The following FAM83B variants were observed in gnomAD, a reference collection of about 807,000 sequenced individuals.
FAM83B encodes the protein scaffolding CK1 anchoring protein B.
FAM83B carries 26 observed loss-of-function variants against 38.8 expected under a neutral mutation model. The observed-to-expected ratio is 0.67, with a 90% CI of 0.49 to 0.93. The LOEUF (loss-of-function observed/expected upper bound fraction) is 0.93, where lower values mean the gene tolerates loss of function less well. FAM83B is among the 40% of genes least tolerant of loss of function. The pLI, the probability that FAM83B is intolerant of heterozygous loss-of-function variation, is 0.00. For missense variants in FAM83B, 1,237 were observed against 1,197.3 expected, an observed-to-expected ratio of 1.03 and a Z score of -0.49; for synonymous variants, 419 against 423.1, an observed-to-expected ratio of 0.99 and a Z score of 0.12.
intron 3 of FAM83B, 152 bp from the exon 4 acceptor site, chr6:54,927,356 T>C: frequency 1.9e-6 from 1 of 528,914 alleles, no homozygotes; most frequent in Non-Finnish European, 3.2e-6. Context: ...TAAATGATTA[T>C]TTTCATTAAG....
At position 54,941,111 on chromosome 6, in the gene FAM83B, A is replaced by G; in HGVS notation, c.2140A>G (p.Thr714Ala). 3 of 1,613,740 alleles carry G rather than the reference A, an allele frequency of 1.9e-6. No individual in the cohort carries two copies. The highest frequency in any genetic ancestry group is 1.7e-4 in the Middle Eastern group (1 of 6,056). Residue 714 changes from threonine (T) to alanine (A), a missense_variant, in exon 5 of 5, where the codon ACT becomes GCT. By Grantham distance (58) the Thr-to-Ala change is moderately conservative. Coordinates refer to ENST00000306858, the MANE Select transcript of FAM83B (RefSeq NM_001010872.3). ...AAGTTCTAAAAGCATGCACAATGTG[A>G]CTCATAACTTGGAGGAGGATGAGGA... ...LKSSKSMHNV[T>A]HNLEEDEEEV...
At chr6:54,871,501 T>C (rs757111569) in intron 2 of FAM83B, among the ~76,000 whole-genome samples, 6 of 150,452 alleles carry the variant, frequency 4.0e-5, no homozygotes, top group African/African-American at 1.5e-4. Flanking sequence ...GGCGAATCAC[T>C]TGAGGTCAGG....
rs1316280563 is a variant in FAM83B, at chr6:54,940,185, C to T, written c.1214C>T (p.Ala405Val). The part of the protein sequence containing the change: ...ETVPYLLLNR[A>V]LNRTNNPPGN... The stretch of plus-strand genomic sequence containing the variant: ...GTGCCATACCTCCTGCTTAATAGGG[C>T]TCTGAATAGAACCAATAATCCACCT... The change falls in exon 5 of 5, where the codon GCT (alanine) becomes GTT (valine). Residue 405 changes from alanine (A) to valine (V), a missense_variant. Physicochemically the swap from Ala to Val is moderately conservative, Grantham distance 64. Coordinates refer to ENST00000306858, the MANE Select transcript of FAM83B (RefSeq NM_001010872.3). The T allele has an allele frequency of 6.2e-7, 1 of 1,614,032 alleles. No homozygotes were observed.
At chr6:54,909,735 C>G (rs954043851) in intron 2 of FAM83B, among the ~76,000 whole-genome samples, 10 of 152,098 alleles carry the variant, frequency 6.6e-5, no homozygotes, top group African/African-American at 2.4e-4. Flanking sequence ...AAAATAAACA[C>G]TCCACTAAAA....
intron 2 of FAM83B, among the ~76,000 whole-genome samples, chr6:54,873,987 AC>A (rs1771927813): frequency 6.6e-6 from 1 of 152,044 alleles, no homozygotes; most frequent in African/African-American, 2.4e-5. Flanking sequence ...CACCAAGTTA[AC>A]CTTCCAGTCT....
chr6:54,894,915 G>A (rs1772496519), intron 2 of FAM83B, among the ~76,000 whole-genome samples: 1 of 152,180 alleles, frequency 6.6e-6, no homozygotes, highest in Admixed American at 6.5e-5. Flanking sequence ...AGCTTTTACA[G>A]TGTCTTATGT....
At chr6:54,860,116 C>G (rs1157720365) in intron 1 of FAM83B, among the ~76,000 whole-genome samples, 1 of 151,824 alleles carries the variant, frequency 6.6e-6, no homozygotes, top group Non-Finnish European at 1.5e-5. Flanking sequence ...TAATTTTGCT[C>G]TTATATAGTT....
At position 54,941,055 on chromosome 6, in the gene FAM83B, A is replaced by G. The variant is rs1773674270; in HGVS notation, c.2084A>G (p.Gln695Arg). The G allele has an allele frequency of 6.2e-7, 1 of 1,613,584 alleles. No individual in the cohort carries two copies. The highest frequency in any genetic ancestry group is 8.5e-7 in the Non-Finnish European group (1 of 1,179,918). The change falls in exon 5 of 5, where the codon CAA becomes CGA. Residue 695 changes from glutamine to arginine, a missense_variant. Gln to Arg is a conservative substitution (Grantham distance 43). Coordinates refer to ENST00000306858, the MANE Select transcript of FAM83B (RefSeq NM_001010872.3). ...ACACTTACCAGGAATCGAGTTAGAC[A>G]ACCAGAAAAGCCCAAAGAAGATTTG... ...YSTLTRNRVR[Q>R]PEKPKEDLLK...
intron 2 of FAM83B, among the ~76,000 whole-genome samples, chr6:54,889,792 C>T (rs1358458328): frequency 6.6e-6 from 1 of 152,084 alleles, no homozygotes; most frequent in Non-Finnish European, 1.5e-5. Flanking sequence ...GAATGAACTC[C>T]AAGTTGTTGA....
At chr6:54,864,911 T>TA (rs1771665236) in intron 1 of FAM83B, among the ~76,000 whole-genome samples, 1 of 152,170 alleles carries the variant, frequency 6.6e-6, no homozygotes. Flanking sequence ...TTTCCCTCAA[T>TA]ATATGAGAGT....
intron 2 of FAM83B, among the ~76,000 whole-genome samples, chr6:54,883,023 A>G (rs1323679327): frequency 6.6e-6 from 1 of 152,020 alleles, no homozygotes; most frequent in Non-Finnish European, 1.5e-5. Context: ...AGCTCACTGC[A>G]AGCTCCGCCT....
At chr6:54,937,582 C>T (rs185801898) in intron 4 of FAM83B, among the ~76,000 whole-genome samples, 5 of 151,842 alleles carry the variant, frequency 3.3e-5, no homozygotes, top group African/African-American at 9.7e-5. Context: ...GAAAATTTAC[C>T]GACTCTTAAA....
In FAM83B at chr6:54,943,791, G is replaced by A. The variant is rs951766166; in HGVS notation, c.*1784G>A. On this transcript the variant is annotated 3_prime_UTR_variant, in exon 5 of 5. Transcript: ENST00000306858. ...AGGCAGTTCTGAAATGGAAAGCCCT[G>A]AAATTTAGTGCAATGTAACTTTAAA... 6 of 152,138 alleles carry A rather than the reference G, an allele frequency of 3.9e-5. No individual in the cohort carries two copies. Among genetic ancestry groups the A allele is most frequent in the Non-Finnish European group, 7.3e-5 (5 of 68,030 alleles). 9.4% of individuals were successfully genotyped at this position (152,138 alleles called of 1,614,324 possible).
At chr6:54,878,330 T>G (rs944325235) in intron 2 of FAM83B, among the ~76,000 whole-genome samples, 1 of 152,294 alleles carries the variant, frequency 6.6e-6, no homozygotes, top group South Asian at 2.1e-4. Flanking sequence ...CTGCGTACCC[T>G]TGAATGAAGT....
chr6:54,864,049 T>C (rs925252445), intron 1 of FAM83B, among the ~76,000 whole-genome samples: 1 of 152,202 alleles, frequency 6.6e-6, no homozygotes, highest in Non-Finnish European at 1.5e-5. Context: ...GCTCTCTCTG[T>C]AAATGGTTTA....
chr6:54,907,008 A>C (rs2127583394), intron 2 of FAM83B, among the ~76,000 whole-genome samples: 1 of 152,224 alleles, frequency 6.6e-6, no homozygotes, highest in Non-Finnish European at 1.5e-5. Flanking sequence ...CATTTGTTCT[A>C]TTATTATAAT....
chr6:54,883,996 C>T (rs1772203619), intron 2 of FAM83B, among the ~76,000 whole-genome samples: 1 of 151,788 alleles, frequency 6.6e-6, no homozygotes, highest in Admixed American at 6.6e-5. Flanking sequence ...ATAGGGAAAC[C>T]CTGTCTCTAC....
At chr6:54,846,909 G>GGGGT (rs1347145581) in intron 1 of FAM83B, 83 bp downstream of exon 1, 3 of 52,758 alleles carry the variant, frequency 5.7e-5, no homozygotes, top group African/African-American at 2.5e-4. Flanking sequence ...TTGGGGTACT[G>GGGGT]GGGGGGCCCG....
At chr6:54,896,711 A>C (rs1471503952) in intron 2 of FAM83B, among the ~76,000 whole-genome samples, 1 of 152,222 alleles carries the variant, frequency 6.6e-6, no homozygotes, top group Admixed American at 6.5e-5. Context: ...AATAATACTA[A>C]ATTTAAATTA....
Sources: gnomAD v4.1 joint callset for allele counts (sites outside exome capture counted in the v4.1 genomes callset) on GRCh38, gnomAD v4.1.1 for gene constraint, MANE v1.5 for transcripts, NCBI Gene and HGNC (gene_info 2026-07-23, HGNC 2026-07-21) for gene names.